Variants in NEXMIF observed in about 807,000 individuals in gnomAD.
NEXMIF encodes the protein neurite extension and migration factor, also known as XLMR protein related to neurite extension.
In NEXMIF, 8 loss-of-function variants were observed where a neutral mutation model predicts 62.1. That is an observed-to-expected ratio of 0.13 (90% CI 0.08 to 0.23). The LOEUF is 0.23. Among genes scored for constraint, NEXMIF ranks in the 10% least tolerant of loss-of-function variants. The pLI, the probability that NEXMIF is intolerant of heterozygous loss-of-function variation, is 1.00. For missense variants in NEXMIF, 976 were observed against 1,113.3 expected, an observed-to-expected ratio of 0.88 and a Z score of 1.75; for synonymous variants, 404 against 416.6, an observed-to-expected ratio of 0.97 and a Z score of 0.37.
intron 1 of NEXMIF, among the ~76,000 whole-genome samples, chrX:74,873,161 C>A (rs1189715782): frequency 9.1e-6 from 1 of 109,520 alleles, no homozygotes; most frequent in Non-Finnish European, 1.9e-5. Context: ...CCACAACAGT[C>A]CCCAGAGTGT....
intron 1 of NEXMIF, among the ~76,000 whole-genome samples, chrX:74,789,501 G>C (rs930815272): frequency 9.0e-6 from 1 of 110,740 alleles, no homozygotes; most frequent in Non-Finnish European, 1.9e-5. Context: ...GTAATGGGAT[G>C]GCTGGGTCAA....
At chrX:74,796,231 T>TATATATATACATATATA (rs1569345248) in intron 1 of NEXMIF, among the ~76,000 whole-genome samples, 4,184 of 53,276 alleles carry the variant, frequency 0.079, 202 homozygotes, top group Non-Finnish European at 0.11. Flanking sequence ...ACATATATAA[T>TATATATATACATATATA]ATATATATAT....
chrX:74,913,155 G>A lies in NEXMIF; in HGVS notation c.-48+11728C>T, dbSNP rs2080796042. 3.6e-5 allele frequency among the ~76,000 whole-genome samples: 4 copies of A among 112,174 alleles called. No homozygotes were observed. In the South Asian group the frequency reaches 1.5e-3, roughly 41 times the overall value. The stretch of plus-strand genomic sequence containing the variant: ...GATGAAAGAGATATTAGAATTATCT[G>A]ACAAAGATTTTAAACCAGCCATCAC... On this transcript the variant is annotated intron_variant, in intron 1 of 3. Coordinates refer to ENST00000055682, the MANE Select transcript of NEXMIF (RefSeq NM_001008537.3).
At chrX:74,905,878 C>T (rs776693915) in intron 1 of NEXMIF, among the ~76,000 whole-genome samples, 55 of 111,663 alleles carry the variant, frequency 4.9e-4, no homozygotes, top group African/African-American at 1.7e-3. Flanking sequence ...AAAAACAAAA[C>T]GTTGAACTAT....
At chrX:74,790,444 G>C (rs1301161692) in intron 1 of NEXMIF, among the ~76,000 whole-genome samples, 1 of 112,273 alleles carries the variant, frequency 8.9e-6, no homozygotes, top group Non-Finnish European at 1.9e-5. Flanking sequence ...GCTTAGGATT[G>C]ACTTGGCGAT....
At chrX:74,846,125 C>T (rs1240147486) in intron 1 of NEXMIF, among the ~76,000 whole-genome samples, 1 of 112,878 alleles carries the variant, frequency 8.9e-6, no homozygotes, top group Non-Finnish European at 1.9e-5. Flanking sequence ...TCCCAGCCAC[C>T]CTCAACTAGT....
intron 1 of NEXMIF, among the ~76,000 whole-genome samples, chrX:74,907,736 T>C (rs1444319735): frequency 1.8e-5 from 2 of 111,430 alleles, no homozygotes; most frequent in African/African-American, 6.5e-5. Flanking sequence ...GATGATCAGG[T>C]ATTATTATTG....
chrX:74,793,588 T>C (rs2080293952), intron 1 of NEXMIF, among the ~76,000 whole-genome samples: 1 of 111,148 alleles, frequency 9.0e-6, no homozygotes, highest in Non-Finnish European at 1.9e-5. Context: ...CTTGGTTCCA[T>C]TCTCCCCGTC....
chrX:74,756,088 T>A (rs781692823), intron 1 of NEXMIF, among the ~76,000 whole-genome samples: 4 of 110,103 alleles, frequency 3.6e-5, no homozygotes, highest in African/African-American at 1.3e-4. Context: ...TTGGTCAGGC[T>A]GGTCTCCAAC....
At chrX:74,838,886 G>A (rs1363196854) in intron 1 of NEXMIF, among the ~76,000 whole-genome samples, 1 of 111,888 alleles carries the variant, frequency 8.9e-6, no homozygotes, top group Non-Finnish European at 1.9e-5. Context: ...GTGAGTATAA[G>A]CCTACAATTT....
intron 1 of NEXMIF, among the ~76,000 whole-genome samples, chrX:74,827,302 G>A (rs1290623599): frequency 8.9e-6 from 1 of 112,045 alleles, no homozygotes; most frequent in African/African-American, 3.2e-5. Context: ...TGTAACAAGA[G>A]AATCTGGCTG....
At chrX:74,867,841 A>C (rs2080585788) in intron 1 of NEXMIF, among the ~76,000 whole-genome samples, 1 of 112,344 alleles carries the variant, frequency 8.9e-6, no homozygotes, top group Non-Finnish European at 1.9e-5. Flanking sequence ...ATCAGAGTGA[A>C]GAGACAACCT....
intron 1 of NEXMIF, among the ~76,000 whole-genome samples, chrX:74,886,907 A>G (rs1311727155): frequency 5.5e-5 from 6 of 108,596 alleles, no homozygotes; most frequent in Admixed American, 9.7e-5. Context: ...CTATACTACA[A>G]GGCTACAGTA....
chrX:74,773,950 G>C (rs1431624457), intron 1 of NEXMIF, among the ~76,000 whole-genome samples: 1 of 102,833 alleles, frequency 9.7e-6, no homozygotes, highest in Non-Finnish European at 2.0e-5. Context: ...GAAAACGAGA[G>C]AAGAGGTTGC....
chrX:74,820,183 G>A (rs2080390190), intron 1 of NEXMIF, among the ~76,000 whole-genome samples: 1 of 110,212 alleles, frequency 9.1e-6, no homozygotes, highest in Non-Finnish European at 1.9e-5. Flanking sequence ...ACTGGGGCCT[G>A]TTGGGGGGTG....
intron 1 of NEXMIF, among the ~76,000 whole-genome samples, chrX:74,748,081 A>G (rs1299369271): frequency 8.9e-6 from 1 of 112,488 alleles, no homozygotes; most frequent in African/African-American, 3.2e-5. Flanking sequence ...AGGGAATCTT[A>G]TAAGGTTGAG....
intron 1 of NEXMIF, among the ~76,000 whole-genome samples, chrX:74,818,679 C>T (rs765730195): frequency 8.9e-6 from 1 of 112,042 alleles, no homozygotes; most frequent in East Asian, 2.8e-4. Flanking sequence ...AGACAACTCA[C>T]AGAATGGGAT....
chrX:74,837,009 G>A (rs2080459218), intron 1 of NEXMIF, among the ~76,000 whole-genome samples: 1 of 111,693 alleles, frequency 9.0e-6, no homozygotes, highest in Non-Finnish European at 1.9e-5. Flanking sequence ...GGCTAGGGCT[G>A]CTGCAAATGC....
chrX:74,858,171 C>G (rs2080542311), intron 1 of NEXMIF, among the ~76,000 whole-genome samples: 1 of 111,822 alleles, frequency 8.9e-6, no homozygotes, highest in Non-Finnish European at 1.9e-5. Context: ...TAAGAAAACA[C>G]AGGCAGTAGC....
Sources: allele counts gnomAD v4.1 joint callset (sites outside exome capture counted in the v4.1 genomes callset), GRCh38; gene constraint gnomAD v4.1.1; transcripts MANE v1.5; gene names NCBI Gene and HGNC (gene_info 2026-07-23, HGNC 2026-07-21).